Variants in PRMT9 observed in about 807,000 individuals in gnomAD.
The protein encoded by PRMT9 is protein arginine methyltransferase 9.
PRMT9 carries 59 observed loss-of-function variants against 83.2 expected under a neutral mutation model. That is an observed-to-expected ratio of 0.71 (90% CI 0.57 to 0.88). The LOEUF (loss-of-function observed/expected upper bound fraction) is 0.88, where lower values mean the gene tolerates loss of function less well. Among genes scored for constraint, PRMT9 ranks in the 40% least tolerant of loss-of-function variants. The pLI, the probability that PRMT9 is intolerant of heterozygous loss-of-function variation, is 0.00. For missense variants in PRMT9, 947 were observed against 1,021.9 expected, an observed-to-expected ratio of 0.93 and a Z score of 1.00; for synonymous variants, 333 against 353.2, an observed-to-expected ratio of 0.94 and a Z score of 0.64.
intron 4 of PRMT9, 52 bp downstream of exon 4, chr4:147,672,905 AGT>A: frequency 6.9e-7 from 1 of 1,447,588 alleles, no homozygotes; most frequent in African/African-American, 1.4e-5. Flanking sequence ...AATATATCTT[AGT>A]TTTTTAAAAA....
At chr4:147,678,553 G>A (rs1490921765) in intron 2 of PRMT9, among the ~76,000 whole-genome samples, 1 of 152,192 alleles carries the variant, frequency 6.6e-6, no homozygotes, top group Admixed American at 6.5e-5. Context: ...TCCCTTGGCT[G>A]GCATCTGGGA....
intron 4 of PRMT9, 35 bp downstream of exon 4, chr4:147,672,924 A>G: frequency 6.4e-7 from 1 of 1,562,844 alleles, no homozygotes; most frequent in Non-Finnish European, 8.8e-7. Flanking sequence ...AAAATAGAGA[A>G]GTATAAACAC....
intron 2 of PRMT9, among the ~76,000 whole-genome samples, chr4:147,676,836 G>T (rs1189365521): frequency 2.0e-5 from 3 of 152,078 alleles, no homozygotes; most frequent in Admixed American, 6.6e-5. Flanking sequence ...TAGAGGTCAG[G>T]AGGTCGAGAC....
At chr4:147,666,078 G>A (rs957487285) in intron 6 of PRMT9, among the ~76,000 whole-genome samples, 4 of 152,170 alleles carry the variant, frequency 2.6e-5, no homozygotes, top group Admixed American at 1.3e-4. Context: ...ATAAACCTAT[G>A]AGAAAATAAG....
rs1736698257 is a variant in PRMT9 at position 147,684,057 on chromosome 4, A to G, written c.-70T>C. 2 of 1,490,478 alleles carry G rather than the reference A, an allele frequency of 1.3e-6. No individual in the cohort carries two copies. Among genetic ancestry groups the G allele is most frequent in the South Asian group, 1.2e-5 (1 of 85,114 alleles). 92.3% of individuals were successfully genotyped at this position (1,490,478 alleles called of 1,614,324 possible). A position where few individuals can be genotyped will look rare whatever the true frequency, so the allele number is the denominator to read the frequency against. ...GTAATTAGAAAACTCTCTCGATGCT[A>G]CACTTCCAGGGACCAGACAACTGCT... On this transcript the variant is annotated 5_prime_UTR_variant, in exon 1 of 12. Transcript: ENST00000322396.
intron 4 of PRMT9, 131 bp from the exon 5 acceptor site, chr4:147,670,874 C>A: frequency 6.2e-6 from 4 of 640,828 alleles, no homozygotes; most frequent in African/African-American, 1.8e-5. Context: ...TAATACATTT[C>A]ATTTTTAAGA....
Position 147,639,497 on chromosome 4 carries a change from T to C in PRMT9, c.2200-415A>G, listed in dbSNP as rs77485423. Among the ~76,000 whole-genome samples, 635 of 152,258 alleles carry C rather than the reference T, an allele frequency of 4.2e-3. 22 individuals are homozygous for C. In the East Asian group the frequency reaches 0.087, roughly 21 times the overall value. On this transcript the variant is annotated intron_variant, in intron 10 of 11. Coordinates refer to ENST00000322396, the MANE Select transcript of PRMT9 (RefSeq NM_138364.4). ...AATGATGCCAGATTCAATCAAACAA[T>C]AGTTGATTTCATTTGGAAAATAAGT...
chr4:147,638,303 T>G lies in PRMT9; in HGVS notation c.*229A>C. 1.9e-6 allele frequency: 1 copy of G among 535,258 alleles called. No individual in the cohort carries two copies. Among genetic ancestry groups the G allele is most frequent in the South Asian group, 2.3e-5 (1 of 43,614 alleles). The allele number at this position is 535,258 out of a possible 1,614,324, so 33.2% of individuals were successfully genotyped here. On this transcript the variant is annotated 3_prime_UTR_variant, in exon 12 of 12. Transcript: ENST00000322396. Reference sequence around the variant, plus strand: ...GTAAAATCGAGCAAAAGAAGTTTCCTAATTTAAAAAACTAGTGATGTATCC... The same window carrying G: ...GTAAAATCGAGCAAAAGAAGTTTCCGAATTTAAAAAACTAGTGATGTATCC...
chr4:147,683,913 C>T lies in PRMT9; in HGVS notation c.75G>A (p.Val25=), dbSNP rs759141993. The change falls in exon 1 of 12, where the codon GTG becomes GTA. Residue 25 remains valine, a synonymous_variant. Coordinates refer to ENST00000322396, the MANE Select transcript of PRMT9 (RefSeq NM_138364.4). ...GAGAAGRDEL[V]SRSLQSAEHC... ...GCTCTGCGCTCTGCAAGGACCGCGA[C>T]ACCAGCTCGTCCCGGCCGGCTGCCC... The T allele has an allele frequency of 2.5e-6, 4 of 1,613,358 alleles. No individual in the cohort carries two copies. The Admixed American group carries it at 6.7e-5, about 27-fold the overall frequency.
In PRMT9 at chr4:147,680,388, C is replaced by T. The variant is rs1448528187; in HGVS notation, c.273G>A (p.Glu91=). The change falls in exon 2 of 12, where the codon GAG becomes GAA. Residue 91 remains glutamate, a synonymous_variant. Transcript: ENST00000322396. ...SRIQDLLGCY[E]QALELFPDDE... ...CATCAGGAAACAGTTCCAAGGCCTG[C>T]TCATAGCAACCAAGTAAGTCTTGTA... 1 of 1,614,002 alleles carries T rather than the reference C, an allele frequency of 6.2e-7. No individual in the cohort carries two copies. Among genetic ancestry groups the T allele is most frequent in the South Asian group, 1.1e-5 (1 of 91,080 alleles).
At chr4:147,677,737 A>G (rs984977431) in intron 2 of PRMT9, among the ~76,000 whole-genome samples, 5 of 152,114 alleles carry the variant, frequency 3.3e-5, no homozygotes, top group African/African-American at 1.2e-4. Flanking sequence ...GAATATAGGC[A>G]TGAGCCACCA....
chr4:147,641,192 A>C (rs1304153815), intron 10 of PRMT9, among the ~76,000 whole-genome samples: 1 of 152,130 alleles, frequency 6.6e-6, no homozygotes, highest in Non-Finnish European at 1.5e-5. Flanking sequence ...AACATAAGTC[A>C]CATCATGTCA....
intron 9 of PRMT9, 104 bp downstream of exon 9, chr4:147,653,748 C>G: frequency 1.2e-6 from 1 of 801,304 alleles, no homozygotes; most frequent in Non-Finnish European, 2.0e-6. Flanking sequence ...ATACAGTGAT[C>G]TTGACTTATT....
At position 147,654,175 on chromosome 4, in the gene PRMT9, A is replaced by G. The variant is rs1169449849; in HGVS notation, c.1722T>C (p.Thr574=). The G allele has an allele frequency of 1.2e-6, 2 of 1,614,116 alleles. No homozygotes were observed. Among genetic ancestry groups the G allele is most frequent in the East Asian group, 2.2e-5 (1 of 44,894 alleles). Residue 574 remains threonine, a synonymous_variant, in exon 9 of 12, where the codon ACT becomes ACC. Coordinates refer to ENST00000322396, the MANE Select transcript of PRMT9 (RefSeq NM_138364.4). ...AGAAAGGTTCAAGGATGTTCTGTAC[A>G]GTATTACTCTGTCCAGTTCCAGAGC... ...EMSSGTGQSN[T]VQNILEPFYV...
chr4:147,657,695 G>A, intron 8 of PRMT9, 97 bp downstream of exon 8: 2 of 907,802 alleles, frequency 2.2e-6, no homozygotes, highest in Non-Finnish European at 3.5e-6. Flanking sequence ...TCCTTTGACT[G>A]AAACCTTCAT....
chr4:147,680,457 G>A lies in PRMT9; in HGVS notation c.204C>T (p.Tyr68=). 6.2e-7 allele frequency: 1 copy of A among 1,613,488 alleles called. No individual in the cohort carries two copies. Among genetic ancestry groups the A allele is most frequent in the East Asian group, 2.2e-5 (1 of 44,866 alleles). The change falls in exon 2 of 12, where the codon TAC becomes TAT. Residue 68 remains tyrosine, a synonymous_variant. Coordinates refer to ENST00000322396, the MANE Select transcript of PRMT9 (RefSeq NM_138364.4). ...GCTCTTCAGCCCATCTGAAAAGTGT[G>A]TACTGAAAAGTTTCCTTTACAAATA... The part of the protein sequence containing the change: ...LKHDVKETFQ[Y]TLFRWAEELD...
chr4:147,669,029 T>G (rs1285860544), intron 5 of PRMT9, among the ~76,000 whole-genome samples: 1 of 151,846 alleles, frequency 6.6e-6, no homozygotes. Flanking sequence ...GAGGCTGCAG[T>G]GAGCCGAGAT....
At chr4:147,679,315 A>G (rs2126640171) in intron 2 of PRMT9, among the ~76,000 whole-genome samples, 1 of 152,278 alleles carries the variant, frequency 6.6e-6, no homozygotes, top group East Asian at 1.9e-4. Flanking sequence ...ATGTACTGCA[A>G]TTCCAGCTAC....
chr4:147,648,365 GA>G (rs1733867811), intron 9 of PRMT9, among the ~76,000 whole-genome samples: 1 of 152,136 alleles, frequency 6.6e-6, no homozygotes, highest in South Asian at 2.1e-4. Context: ...TAAAAACCCA[GA>G]AAGACAAGGT....
Sources: allele counts gnomAD v4.1 joint callset (sites outside exome capture counted in the v4.1 genomes callset), GRCh38; gene constraint gnomAD v4.1.1; transcripts MANE v1.5; gene names NCBI Gene and HGNC (gene_info 2026-07-23, HGNC 2026-07-21).